Variants in FBLN5 observed in about 807,000 individuals in gnomAD.
FBLN5 encodes the protein fibulin-5.
In FBLN5, 24 loss-of-function variants were observed where a neutral mutation model predicts 61.6. That is an observed-to-expected ratio of 0.39 (90% CI 0.28 to 0.55). FBLN5 has a LOEUF of 0.55. FBLN5 is among the 20% of genes least tolerant of loss of function. FBLN5 has a pLI of 0.65. For synonymous variants in FBLN5, 213 were observed against 219.8 expected, an observed-to-expected ratio of 0.97 and a Z score of 0.27; for missense variants, 470 against 594.1, an observed-to-expected ratio of 0.79 and a Z score of 2.17.
intron 4 of FBLN5, among the ~76,000 whole-genome samples, chr14:91,909,474 A>AGT (rs1890829937): frequency 6.6e-6 from 1 of 152,202 alleles, no homozygotes; most frequent in African/African-American, 2.4e-5. Flanking sequence ...TTCAGTTGCC[A>AGT]CTGTGACAGT....
chr14:91,870,133 T>C lies in FBLN5; in HGVS notation c.*91A>G. 7.5e-7 allele frequency: 1 copy of C among 1,329,378 alleles called. No individual in the cohort carries two copies. Among genetic ancestry groups the C allele is most frequent in the Non-Finnish European group, 1.1e-6 (1 of 926,522 alleles). The allele number at this position is 1,329,378 out of a possible 1,614,324, so 82.3% of individuals were successfully genotyped here. ...AACGTTCAGCAGGAAATGCCTAACG[T>C]CTGTGTCGCTCTCATTCTCTCTGTT... On this transcript the variant is annotated 3_prime_UTR_variant, in exon 11 of 11. Coordinates refer to ENST00000342058, the MANE Select transcript of FBLN5 (RefSeq NM_006329.4).
chr14:91,902,467 G>A (rs956395527), intron 4 of FBLN5, among the ~76,000 whole-genome samples: 22 of 152,236 alleles, frequency 1.4e-4, no homozygotes, highest in Middle Eastern at 3.4e-3. Flanking sequence ...AGAATTGCCT[G>A]ACTAAATCAG....
intron 10 of FBLN5, among the ~76,000 whole-genome samples, chr14:91,876,642 G>T (rs1438704824): frequency 6.6e-6 from 1 of 152,146 alleles, no homozygotes; most frequent in Non-Finnish European, 1.5e-5. Flanking sequence ...TTGGAGTGAT[G>T]CAGCCACAGT....
At chr14:91,880,526 C>T (rs868696226) in intron 9 of FBLN5, among the ~76,000 whole-genome samples, 63 of 147,556 alleles carry the variant, frequency 4.3e-4, no homozygotes, top group Middle Eastern at 3.5e-3. Flanking sequence ...AGTGTGCGTG[C>T]GTGTGTGTGT....
Position 91,947,119 on chromosome 14 carries a change from G to T in FBLN5, c.17+94C>A. 2 of 1,580,512 alleles carry T rather than the reference G, an allele frequency of 1.3e-6. No homozygotes were observed. Among genetic ancestry groups the T allele is most frequent in the Non-Finnish European group, 1.7e-6 (2 of 1,153,398 alleles). ...ATGCCTTTTCCAATATCCTGACACC[G>T]CCTGAATCGCAGCCATAACCATTTT... On this transcript the variant is annotated intron_variant, in intron 1 of 10. Coordinates refer to ENST00000342058, the MANE Select transcript of FBLN5 (RefSeq NM_006329.4). This position sits in a 1 kb window ranked among gnomAD's most constrained non-coding sequence, Gnocchi z 4.3.
Position 91,869,986 on chromosome 14 carries a change from G to A in FBLN5, c.*238C>T. The A allele has an allele frequency of 1.8e-6, 1 of 544,022 alleles. No individual in the cohort carries two copies. Among genetic ancestry groups the A allele is most frequent in the Non-Finnish European group, 3.3e-6 (1 of 299,982 alleles). 33.7% of individuals were successfully genotyped at this position (544,022 alleles called of 1,614,324 possible). ...AATTCACCAACAATCTTCTATCAGG[G>A]GAGCAATGATAATACTTTTTGATAA... is the stretch of plus-strand genomic sequence containing the variant. On this transcript the variant is annotated 3_prime_UTR_variant, in exon 11 of 11. Transcript: ENST00000342058.
chr14:91,888,588 G>A (rs1334546140), intron 6 of FBLN5, among the ~76,000 whole-genome samples: 1 of 143,390 alleles, frequency 7.0e-6, no homozygotes, highest in Non-Finnish European at 1.5e-5. Flanking sequence ...CAGCCTGGTT[G>A]ACAGAGCTAG....
intron 4 of FBLN5, among the ~76,000 whole-genome samples, chr14:91,915,686 C>CAAAAAAAAAAA (rs34675184): frequency 6.9e-5 from 3 of 43,736 alleles, no homozygotes; most frequent in African/African-American, 8.6e-5. Flanking sequence ...GACTCCATCT[C>CAAAAAAAAAAA]AAAAAAAAAA....
intron 4 of FBLN5, among the ~76,000 whole-genome samples, chr14:91,896,705 G>A (rs577998919): frequency 6.6e-6 from 1 of 152,242 alleles, no homozygotes; most frequent in African/African-American, 2.4e-5. Flanking sequence ...TGCCACCCAG[G>A]ACCAAGCAGA....
rs567213015 is a variant in FBLN5 at position 91,883,892 on chromosome 14, C to T, written c.740-816G>A. On this transcript the variant is annotated intron_variant, in intron 7 of 10. Coordinates refer to ENST00000342058, the MANE Select transcript of FBLN5 (RefSeq NM_006329.4). ...TGGGCTATGGCGGTTGATGCAGATG[C>T]AGAAGCAGACGTTCCAGAAAAGCCA... Among the ~76,000 whole-genome samples the T allele has an allele frequency of 1.8e-3, 276 of 152,320 alleles. 1 individual carries two copies. The highest frequency in any genetic ancestry group is 2.4e-3 in the Non-Finnish European group (163 of 68,032).
chr14:91,940,633 AG>A lies in FBLN5; in HGVS notation c.73-18del. ...GCACTGTGCCTGCAGGGAAGGAGAG[AG>A]GAGAAACAGGCAAGGTCATTTCACA... is the stretch of plus-strand genomic sequence containing the variant. On this transcript the variant is annotated intron_variant, in intron 2 of 10. Transcript: ENST00000342058. The A allele has an allele frequency of 6.2e-7, 1 of 1,612,322 alleles. No homozygotes were observed. The highest frequency in any genetic ancestry group is 8.5e-7 in the Non-Finnish European group (1 of 1,178,322).
chr14:91,929,142 T>C (rs982660329), intron 4 of FBLN5, among the ~76,000 whole-genome samples: 1 of 151,418 alleles, frequency 6.6e-6, no homozygotes, highest in Non-Finnish European at 1.5e-5. Flanking sequence ...TACAGTGATA[T>C]AGATACTTGT....
chr14:91,940,736 C>G, intron 2 of FBLN5, 120 bp from the exon 3 acceptor site: 1 of 776,588 alleles, frequency 1.3e-6, no homozygotes, highest in Non-Finnish European at 2.3e-6. Flanking sequence ...AATACCAATA[C>G]CTGTATTATA....
At chr14:91,872,733 G>A (rs1191364077) in intron 10 of FBLN5, among the ~76,000 whole-genome samples, 3 of 152,144 alleles carry the variant, frequency 2.0e-5, no homozygotes, top group Non-Finnish European at 2.9e-5. Context: ...ACCTCCTCAC[G>A]CAGATTTCTT....
chr14:91,899,302 C>T (rs1004593350), intron 4 of FBLN5, among the ~76,000 whole-genome samples: 1 of 152,224 alleles, frequency 6.6e-6, no homozygotes, highest in African/African-American at 2.4e-5. Context: ...CAGTCGGGTG[C>T]CTGGGCACTT....
intron 5 of FBLN5, among the ~76,000 whole-genome samples, chr14:91,894,428 C>CAAAAAAAAAAAAA (rs1491576623): frequency 6.9e-5 from 5 of 72,598 alleles, no homozygotes; most frequent in Admixed American, 2.2e-4. Flanking sequence ...AAAAAAAAAA[C>CAAAAAAAAAAAAA]CGAAAAAAAC....
intron 4 of FBLN5, 136 bp downstream of exon 4, chr14:91,936,811 A>G: frequency 9.4e-7 from 1 of 1,062,548 alleles, no homozygotes; most frequent in Non-Finnish European, 1.5e-6. Flanking sequence ...GAGTGAAATA[A>G]GTATGCAGAG....
intron 3 of FBLN5, 38 bp from the exon 4 acceptor site, chr14:91,937,239 C>A (rs772254639): frequency 6.2e-7 from 1 of 1,613,476 alleles, no homozygotes; most frequent in Non-Finnish European, 8.5e-7. Flanking sequence ...AGTGGCACCC[C>A]AACTGCCTTG....
At chr14:91,887,051 G>A in intron 7 of FBLN5, 142 bp downstream of exon 7, 1 of 880,116 alleles carries the variant, frequency 1.1e-6, no homozygotes, top group Non-Finnish European at 1.9e-6. Context: ...GTGTGATTCT[G>A]ACCCCACTGC....
Sources: allele counts gnomAD v4.1 joint callset (sites outside exome capture counted in the v4.1 genomes callset), GRCh38; gene constraint gnomAD v4.1.1; non-coding constraint Gnocchi (gnomAD v3.1); transcripts MANE v1.5; gene names NCBI Gene and HGNC (gene_info 2026-07-23, HGNC 2026-07-21).